The following HELZ variants were observed in gnomAD, a reference collection of about 807,000 sequenced individuals.
HELZ encodes the protein helicase with zinc finger.
A neutral mutation model predicts 218.2 loss-of-function variants in HELZ; 23 were observed. The ratio of observed to expected loss-of-function variants is 0.11; its 90% CI spans 0.08 to 0.15. The LOEUF is 0.15. HELZ is among the 10% of genes least tolerant of loss of function. The probability of loss-of-function intolerance (pLI) is 1.00; values close to 1 mark genes in which losing one functional copy is unlikely to be tolerated. For missense variants in HELZ, 1,813 were observed against 2,353.7 expected (o/e 0.77, Z 4.75); for synonymous variants, 814 against 829.4 (o/e 0.98, Z 0.32).
chr17:67,236,072 T>A (rs2041177888), intron 3 of HELZ, among the ~76,000 whole-genome samples: 1 of 152,190 alleles, frequency 6.6e-6, no homozygotes, highest in Admixed American at 6.5e-5. Context: ...GACCACACAC[T>A]CTTGTGAACA....
rs768176511 is a variant in HELZ at position 67,195,404 on chromosome 17, G to T, written c.481+15C>A. 6 of 1,540,522 alleles carry T rather than the reference G, an allele frequency of 3.9e-6. No homozygotes were observed. The highest frequency in any genetic ancestry group is 4.5e-6 in the Non-Finnish European group (5 of 1,114,138). ...ATTCACAGCTACCAGAAGTTACACA[G>T]CATTTGGCACTTACCCTCATCTAAG... On this transcript the variant is annotated intron_variant, in intron 8 of 32. Coordinates refer to ENST00000358691, the MANE Select transcript of HELZ (RefSeq NM_014877.4).
rs1555597034 is a variant in HELZ at position 67,094,333 on chromosome 17, AAGAG to A, written c.5242-7256_5242-7253del. 4.8e-4 allele frequency among the ~76,000 whole-genome samples: 70 copies of A among 146,632 alleles called. 1 individual carries two copies. The highest frequency in any genetic ancestry group is 3.5e-3 in the Middle Eastern group (1 of 288). On this transcript the variant is annotated intron_variant, in intron 31 of 32. Coordinates refer to ENST00000358691, the MANE Select transcript of HELZ (RefSeq NM_014877.4). ...GGAGACCTGGTCTTGAAAAAAAAAA[AAGAG>A]AGAGAGAGAGAGAGAGATACAGGCA...
At chr17:67,141,743 A>T (rs1459530433) in intron 21 of HELZ, among the ~76,000 whole-genome samples, 1 of 152,092 alleles carries the variant, frequency 6.6e-6, no homozygotes, top group Admixed American at 6.5e-5. Flanking sequence ...AAATATAATT[A>T]AAAAATAATT....
At chr17:67,189,847 C>A in intron 10 of HELZ, 151 bp from the exon 11 acceptor site, 1 of 622,472 alleles carries the variant, frequency 1.6e-6, no homozygotes, top group South Asian at 2.1e-5. Context: ...GTAATTTTGA[C>A]AAGAACAAAA....
rs1184432653 is a variant in HELZ at position 67,074,127 on chromosome 17, A to G, written c.*4125T>C. 1 of 152,176 alleles carries G rather than the reference A, an allele frequency of 6.6e-6. No homozygotes were observed. Among genetic ancestry groups the G allele is most frequent in the African/African-American group, 2.4e-5 (1 of 41,468 alleles). The allele number at this position is 152,176 out of a possible 1,614,324, so 9.4% of individuals were successfully genotyped here. A position where few individuals can be genotyped will look rare whatever the true frequency, so the allele number is the denominator to read the frequency against. On this transcript the variant is annotated 3_prime_UTR_variant, in exon 33 of 33. Transcript: ENST00000358691. ...TCCATTAAGACATTTATACCTTGAG[A>G]TTCAGGAAGACATATAGCGCGGCAG...
intron 3 of HELZ, among the ~76,000 whole-genome samples, chr17:67,221,842 GTT>G (rs375220068): frequency 1.8e-4 from 23 of 131,256 alleles, no homozygotes; most frequent in Admixed American, 2.3e-4. Context: ...TGTTTTTTGT[GTT>G]TTTTTTTTTT....
intron 5 of HELZ, among the ~76,000 whole-genome samples, chr17:67,212,328 A>AAAAAAAAAAAAAAC: frequency 6.8e-6 from 1 of 147,536 alleles, no homozygotes; most frequent in Non-Finnish European, 1.5e-5. Flanking sequence ...AAAAAAAAAA[A>AAAAAAAAAAAAAAC]AAAAAAAGGC....
rs2040023514 is a variant in HELZ, at chr17:67,196,187, C to T, written c.430-717G>A. 9.2e-5 allele frequency among the ~76,000 whole-genome samples: 14 copies of T among 152,134 alleles called. 1 individual carries two copies. The South Asian group carries it at 2.9e-3, about 32-fold the overall frequency. The stretch of plus-strand genomic sequence containing the variant: ...TTTTCTTGCAGCTAATGGCATGCTA[C>T]CACTTTGGAGCCTGGGAGCACTTAC... On this transcript the variant is annotated intron_variant, in intron 7 of 32. Transcript: ENST00000358691.
rs2036044244 is a variant in HELZ, at chr17:67,077,386, T to C, written c.*866A>G. The C allele has an allele frequency of 6.6e-6, 1 of 152,110 alleles. No individual in the cohort carries two copies. Among genetic ancestry groups the C allele is most frequent in the Admixed American group, 6.6e-5 (1 of 15,238 alleles). 9.4% of individuals were successfully genotyped at this position (152,110 alleles called of 1,614,324 possible). On this transcript the variant is annotated 3_prime_UTR_variant, in exon 33 of 33. Coordinates refer to ENST00000358691, the MANE Select transcript of HELZ (RefSeq NM_014877.4). Reference sequence around the variant, plus strand: ...GTTACAAACATTTACACATGCATAGTGAGAAAAAAAGAATTTTACTAAATT... The same window carrying C: ...GTTACAAACATTTACACATGCATAGCGAGAAAAAAAGAATTTTACTAAATT...
intron 31 of HELZ, among the ~76,000 whole-genome samples, chr17:67,094,811 T>A (rs554898457): frequency 3.9e-5 from 6 of 152,324 alleles, no homozygotes; most frequent in East Asian, 3.9e-4. Flanking sequence ...AGACATTTTT[T>A]AAAATGTATA....
chr17:67,193,649 G>C (rs563790289), intron 9 of HELZ, among the ~76,000 whole-genome samples: 1 of 152,348 alleles, frequency 6.6e-6, no homozygotes, highest in South Asian at 2.1e-4. Flanking sequence ...CCGGGAGGCA[G>C]AGGTTGCCGT....
At chr17:67,202,007 C>T (rs1428024482) in intron 6 of HELZ, among the ~76,000 whole-genome samples, 1 of 152,070 alleles carries the variant, frequency 6.6e-6, no homozygotes, top group Non-Finnish European at 1.5e-5. Context: ...ATACCAAGTA[C>T]TTCCCTAACT....
intron 9 of HELZ, among the ~76,000 whole-genome samples, chr17:67,191,260 A>C (rs1030270267): frequency 1.3e-5 from 2 of 152,186 alleles, no homozygotes; most frequent in Non-Finnish European, 2.9e-5. Context: ...ACTTGCTTGA[A>C]GCTTTAAATA....
chr17:67,158,223 G>C (rs540543768), intron 17 of HELZ, among the ~76,000 whole-genome samples: 3 of 152,244 alleles, frequency 2.0e-5, no homozygotes, highest in South Asian at 4.2e-4. Context: ...ATCATGAAGA[G>C]AGCAAACTCT....
At chr17:67,228,350 A>G (rs2040946389) in intron 3 of HELZ, among the ~76,000 whole-genome samples, 1 of 152,232 alleles carries the variant, frequency 6.6e-6, no homozygotes, top group African/African-American at 2.4e-5. Context: ...GTTATTTGCC[A>G]TTAATTCTTC....
rs922957193 is a variant in HELZ at position 67,107,187 on chromosome 17, CGAA to C, written c.5220_5222del (p.Ser1741del). 37 of 1,612,306 alleles carry C rather than the reference CGAA, an allele frequency of 2.3e-5. No individual in the cohort carries two copies. The highest frequency in any genetic ancestry group is 1.6e-4 in the Middle Eastern group (1 of 6,070). Reference sequence around the variant, plus strand: ...CATTTACCTCTTCTAAGCTAGGGAGCGAAGAAGAAGATACTGTTCGAGATGACA... The same window carrying C: ...CATTTACCTCTTCTAAGCTAGGGAGCGAAGAAGATACTGTTCGAGATGACA... On this transcript the variant is annotated inframe_deletion, in exon 31 of 33. Transcript: ENST00000358691.
chr17:67,099,565 G>T (rs7214803), intron 31 of HELZ, among the ~76,000 whole-genome samples: 90,224 of 152,016 alleles, frequency 0.59, 27,957 homozygotes, highest in East Asian at 0.88. Flanking sequence ...ATTTAATACA[G>T]GAAATCTAAG....
chr17:67,175,786 G>A (rs904933442), intron 13 of HELZ, among the ~76,000 whole-genome samples: 11 of 152,104 alleles, frequency 7.2e-5, no homozygotes, highest in South Asian at 2.1e-4. Flanking sequence ...TAGGCAGGTC[G>A]CAATAAATTA....
At chr17:67,131,410 G>A (rs980880763) in intron 23 of HELZ, among the ~76,000 whole-genome samples, 2 of 152,158 alleles carry the variant, frequency 1.3e-5, no homozygotes, top group Non-Finnish European at 2.9e-5. Context: ...GACAGTCTTT[G>A]CCTACCAGAA....
Sources: gnomAD v4.1 joint callset for allele counts (sites outside exome capture counted in the v4.1 genomes callset) on GRCh38, gnomAD v4.1.1 for gene constraint, MANE v1.5 for transcripts, NCBI Gene and HGNC (gene_info 2026-07-23, HGNC 2026-07-21) for gene names.